The following SCD5 variants were observed in gnomAD, a reference collection of about 807,000 sequenced individuals.
The protein encoded by SCD5 is acyl-CoA-desaturase 4.
A neutral mutation model predicts 30.4 loss-of-function variants in SCD5; 20 were observed. That is an observed-to-expected ratio of 0.66 (90% CI 0.46 to 0.96). The LOEUF (loss-of-function observed/expected upper bound fraction) is 0.96, where lower values mean the gene tolerates loss of function less well. SCD5 is among the 40% of genes least tolerant of loss of function. The pLI is 0.00. For missense variants in SCD5, 381 were observed against 443.3 expected (o/e 0.86, Z 1.26); for synonymous variants, 173 against 176.4 (o/e 0.98, Z 0.16).
At chr4:82,640,019 T>C (rs573544807) in intron 3 of SCD5, among the ~76,000 whole-genome samples, 2 of 152,276 alleles carry the variant, frequency 1.3e-5, no homozygotes, top group African/African-American at 4.8e-5. Context: ...CCTCGAGTCA[T>C]GAAGGCCCCA....
intron 1 of SCD5, among the ~76,000 whole-genome samples, chr4:82,780,155 C>A (rs1208254378): frequency 6.6e-6 from 1 of 152,206 alleles, no homozygotes; most frequent in African/African-American, 2.4e-5. Flanking sequence ...CACAGTTCTA[C>A]ATTCCATGCC....
At chr4:82,650,351 A>G (rs1727725695) in intron 3 of SCD5, among the ~76,000 whole-genome samples, 1 of 152,198 alleles carries the variant, frequency 6.6e-6, no homozygotes, top group African/African-American at 2.4e-5. Context: ...CATTCACCCC[A>G]GGAAAATGGA....
intron 2 of SCD5, among the ~76,000 whole-genome samples, chr4:82,688,859 A>C (rs1278974107): frequency 1.3e-5 from 2 of 152,206 alleles, no homozygotes; most frequent in South Asian, 2.1e-4. Flanking sequence ...GTATTCAAAT[A>C]AGACTTTTCA....
chr4:82,644,024 G>A (rs1375133994), intron 3 of SCD5, among the ~76,000 whole-genome samples: 1 of 152,196 alleles, frequency 6.6e-6, no homozygotes, highest in Non-Finnish European at 1.5e-5. Context: ...AGCCAGTTGA[G>A]TCAAGATGTT....
chr4:82,791,877 C>T (rs1159420000), intron 1 of SCD5, among the ~76,000 whole-genome samples: 7 of 152,166 alleles, frequency 4.6e-5, no homozygotes, highest in Admixed American at 4.6e-4. Flanking sequence ...TTTTTCCAAG[C>T]AACTATTATA....
chr4:82,665,076 A>T (rs373603453), intron 3 of SCD5, among the ~76,000 whole-genome samples: 2,632 of 74,842 alleles, frequency 0.035, 65 homozygotes, highest in Middle Eastern at 0.11. Flanking sequence ...ATATATATAT[A>T]TTTTTTTTTT....
chr4:82,666,703 A>AT (rs985446207), intron 3 of SCD5, among the ~76,000 whole-genome samples: 3 of 152,230 alleles, frequency 2.0e-5, no homozygotes, highest in Admixed American at 6.5e-5. Flanking sequence ...TAAATGTTGC[A>AT]TAAAAACTAG....
rs115281242 is a variant in SCD5 at position 82,726,655 on chromosome 4, C to T, written c.233-21242G>A. 9.8e-3 allele frequency among the ~76,000 whole-genome samples: 1,490 copies of T among 151,400 alleles called. 17 individuals are homozygous for T. The highest frequency in any genetic ancestry group is 0.034 in the African/African-American group (1,416 of 41,172). On this transcript the variant is annotated intron_variant, in intron 1 of 4. Coordinates refer to ENST00000319540, the MANE Select transcript of SCD5 (RefSeq NM_001037582.3). ...ATGACTGATATACAATTTTCATAAA[C>T]AATATTTAATTCTTACTAAACTCAA...
Position 82,730,235 on chromosome 4 carries a change from A to AT in SCD5, c.233-24823dup, listed in dbSNP as rs1720598493. ...ATACATATATTATATTATATATAAT[A>AT]TTTAAAAACATATAATATATTATAC... On this transcript the variant is annotated intron_variant, in intron 1 of 4. Transcript: ENST00000319540. 2.9e-5 allele frequency among the ~76,000 whole-genome samples: 4 copies of AT among 138,228 alleles called. No homozygotes were observed. The Admixed American group carries it at 3.2e-4, about 11-fold the overall frequency. The allele number at this position is 138,228 out of a possible 152,430, so 90.7% of individuals were successfully genotyped here.
intron 3 of SCD5, among the ~76,000 whole-genome samples, chr4:82,675,248 A>G (rs566564139): frequency 2.0e-4 from 30 of 152,278 alleles, no homozygotes; most frequent in African/African-American, 7.2e-4. Flanking sequence ...GGTATCTCTG[A>G]ACCTTCCTCT....
At chr4:82,682,351 G>A (rs192089560) in intron 2 of SCD5, among the ~76,000 whole-genome samples, 18 of 151,582 alleles carry the variant, frequency 1.2e-4, no homozygotes, top group African/African-American at 4.1e-4. Context: ...TGAGACCTTA[G>A]CTATAGCAAT....
chr4:82,712,530 C>A (rs1201132423), intron 1 of SCD5, among the ~76,000 whole-genome samples: 6 of 151,080 alleles, frequency 4.0e-5, no homozygotes, highest in African/African-American at 1.5e-4. Context: ...GTTGGCCAGG[C>A]TAGTCTCGAA....
chr4:82,758,947 C>T (rs1721287828), intron 1 of SCD5, among the ~76,000 whole-genome samples: 2 of 152,212 alleles, frequency 1.3e-5, no homozygotes, highest in Admixed American at 6.5e-5. Flanking sequence ...CAAGCACATC[C>T]CCTTACAATC....
intron 2 of SCD5, among the ~76,000 whole-genome samples, chr4:82,693,582 G>C (rs1719614216): frequency 6.7e-6 from 1 of 150,324 alleles, no homozygotes; most frequent in African/African-American, 2.4e-5. Flanking sequence ...TAAATCAGTG[G>C]CTTAGCACTA....
intron 1 of SCD5, among the ~76,000 whole-genome samples, chr4:82,726,933 G>A (rs776571198): frequency 4.6e-5 from 7 of 152,172 alleles, no homozygotes; most frequent in Admixed American, 6.5e-5. Context: ...CATTTTCTAA[G>A]TTCTGAAGGG....
intron 1 of SCD5, among the ~76,000 whole-genome samples, chr4:82,784,606 G>C (rs1198603011): frequency 2.6e-5 from 4 of 152,168 alleles, no homozygotes; most frequent in African/African-American, 9.7e-5. Flanking sequence ...TCAGACAAGT[G>C]AGTGAAAGCC....
intron 3 of SCD5, among the ~76,000 whole-genome samples, chr4:82,673,612 T>C (rs1026482318): frequency 1.3e-5 from 2 of 152,164 alleles, no homozygotes; most frequent in Middle Eastern, 3.2e-3. Flanking sequence ...GCAATTCCAA[T>C]CAAAATCCCA....
At chr4:82,730,100 G>A (rs1313779457) in intron 1 of SCD5, among the ~76,000 whole-genome samples, 1 of 151,626 alleles carries the variant, frequency 6.6e-6, no homozygotes, top group East Asian at 1.9e-4. Context: ...TAATAAACTT[G>A]TTTATGTTTC....
At chr4:82,647,221 G>A (rs1409582618) in intron 3 of SCD5, among the ~76,000 whole-genome samples, 4 of 152,098 alleles carry the variant, frequency 2.6e-5, no homozygotes, top group Admixed American at 1.3e-4. Flanking sequence ...GTGTGTTCAC[G>A]TATGTGTGCA....
Sources: gnomAD v4.1 joint callset for allele counts (sites outside exome capture counted in the v4.1 genomes callset) on GRCh38, gnomAD v4.1.1 for gene constraint, MANE v1.5 for transcripts, NCBI Gene and HGNC (gene_info 2026-07-23, HGNC 2026-07-21) for gene names.